Variants in ZC3H13 observed in about 807,000 individuals in gnomAD.
ZC3H13 encodes zinc finger CCCH-type containing 13, also known as zinc finger CCCH domain-containing protein 13.
ZC3H13 carries 64 observed loss-of-function variants against 204.1 expected under a neutral mutation model. That is an observed-to-expected ratio of 0.31 (90% CI 0.26 to 0.39). ZC3H13 has a LOEUF of 0.39. Among genes scored for constraint, ZC3H13 ranks in the 10% least tolerant of loss-of-function variants. The pLI is 1.00. For missense variants in ZC3H13, 1,833 were observed against 2,082.7 expected, an observed-to-expected ratio of 0.88 and a Z score of 2.33; for synonymous variants, 667 against 693.7, an observed-to-expected ratio of 0.96 and a Z score of 0.60.
chr13:46,016,266 AAT>A (rs1269559343), intron 5 of ZC3H13, among the ~76,000 whole-genome samples: 1 of 152,150 alleles, frequency 6.6e-6, no homozygotes, highest in Non-Finnish European at 1.5e-5. Context: ...TTTACCAAAA[AAT>A]ATGTTTAAGA....
At chr13:45,997,890 C>T (rs963487517) in intron 8 of ZC3H13, among the ~76,000 whole-genome samples, 1 of 152,082 alleles carries the variant, frequency 6.6e-6, no homozygotes, top group Non-Finnish European at 1.5e-5. Flanking sequence ...CAAACACACA[C>T]ATACACACAC....
chr13:45,968,858 T>G lies in ZC3H13; in HGVS notation c.3686A>C (p.His1229Pro). The change falls in exon 14 of 19, where the codon CAC becomes CCC. Residue 1229 changes from histidine (H) to proline (P), a missense_variant. By Grantham distance (77) the His-to-Pro change is moderately conservative. Coordinates refer to ENST00000679008, the MANE Select transcript of ZC3H13 (RefSeq NM_001330564.2). ...TTTTTCTCTATCTCTTGAGCCACTG[T>G]GCAGTACTCTCTTTCGACCACTTTG... is the stretch of plus-strand genomic sequence containing the variant. ...DDQSGRKRVL[H>P]SGSRDREKTK... 6.2e-7 allele frequency: 1 copy of G among 1,614,184 alleles called. No homozygotes were observed.
At chr13:45,965,496 C>T in intron 15 of ZC3H13, 64 bp from the exon 16 acceptor site, 4 of 1,560,574 alleles carry the variant, frequency 2.6e-6, no homozygotes, top group South Asian at 1.2e-5. Flanking sequence ...CTAAGTCAAA[C>T]CAAAAGGTAG....
intron 5 of ZC3H13, among the ~76,000 whole-genome samples, chr13:46,016,576 G>A (rs932999789): frequency 6.6e-6 from 1 of 152,140 alleles, no homozygotes; most frequent in Non-Finnish European, 1.5e-5. Context: ...TTTGAGGGGT[G>A]AGGGTAGGGA....
chr13:45,963,996 C>T lies in ZC3H13; in HGVS notation c.4521G>A (p.Lys1507=), dbSNP rs372247241. The change falls in exon 17 of 19, where the codon AAG becomes AAA. Residue 1507 remains lysine, a synonymous_variant. Transcript: ENST00000679008. The part of the protein sequence containing the change: ...IDVDWSGLMP[K]HPKEPREPGA... ...CAGGCTCTCGTGGTTCTTTTGGATG[C>T]TTTGGCATAAGACCAGACCAATCCA... The T allele has an allele frequency of 4.6e-5, 74 of 1,614,014 alleles. No individual in the cohort carries two copies. The African/African-American group carries it at 7.7e-4, about 17-fold the overall frequency.
intron 9 of ZC3H13, among the ~76,000 whole-genome samples, chr13:45,985,969 C>T (rs1954153590): frequency 6.6e-6 from 1 of 152,102 alleles, no homozygotes; most frequent in African/African-American, 2.4e-5. Flanking sequence ...ATTTCCTCTG[C>T]CCCAACTTAC....
intron 5 of ZC3H13, among the ~76,000 whole-genome samples, chr13:46,018,225 T>C (rs925946095): frequency 6.6e-6 from 1 of 152,148 alleles, no homozygotes; most frequent in Non-Finnish European, 1.5e-5. Context: ...TACATCTCCA[T>C]TTATTCTGCA....
chr13:45,964,201 A>T (rs1273425337), intron 16 of ZC3H13, among the ~76,000 whole-genome samples, 159 bp from the exon 17 acceptor site: 2 of 152,206 alleles, frequency 1.3e-5, no homozygotes, highest in Non-Finnish European at 2.9e-5. Context: ...CCCATATAAT[A>T]CTCAGAATCT....
intron 17 of ZC3H13, chr13:45,962,516 C>G: frequency 2.0e-6 from 2 of 983,602 alleles, no homozygotes; most frequent in Non-Finnish European, 2.4e-6. Context: ...GTCACAGAAC[C>G]AACCAAACAA....
rs776267258 is a variant in ZC3H13 at position 45,996,562 on chromosome 13, G to A, written c.944+6577C>T. 2.4e-4 allele frequency among the ~76,000 whole-genome samples: 37 copies of A among 152,040 alleles called. 1 individual carries two copies. The highest frequency in any genetic ancestry group is 1.2e-3 in the Admixed American group (19 of 15,264). ...AAGTGGCACAGTGAAATCTTTTGTC[G>A]TTCCACTCTACCGCAACCACTATAC... On this transcript the variant is annotated intron_variant, in intron 8 of 18. Coordinates refer to ENST00000679008, the MANE Select transcript of ZC3H13 (RefSeq NM_001330564.2).
intron 4 of ZC3H13, among the ~76,000 whole-genome samples, chr13:46,022,613 T>C (rs2042286484): frequency 6.6e-6 from 1 of 152,000 alleles, no homozygotes; most frequent in African/African-American, 2.4e-5. Flanking sequence ...CTGATTACTA[T>C]GTGTTGTAAA....
chr13:46,011,527 T>C lies in ZC3H13; in HGVS notation c.476A>G (p.Asp159Gly). The C allele has an allele frequency of 1.9e-6, 3 of 1,590,342 alleles. No individual in the cohort carries two copies. Among genetic ancestry groups the C allele is most frequent in the Non-Finnish European group, 2.6e-6 (3 of 1,168,368 alleles). The change falls in exon 6 of 19, where the codon GAT becomes GGT. Residue 159 changes from aspartate (D) to glycine (G), a missense_variant. Asp to Gly is a moderately conservative substitution (Grantham distance 94). Transcript: ENST00000679008. ...TTCCAATGACAATTCATGAACATAA[T>C]CATAATTAATATCTCCATTGTCAGA... ...DDSDNGDINY[D>G]YVHELSLEMK...
At chr13:46,013,224 G>A (rs2041687619) in intron 5 of ZC3H13, among the ~76,000 whole-genome samples, 1 of 152,064 alleles carries the variant, frequency 6.6e-6, no homozygotes, top group Non-Finnish European at 1.5e-5. Context: ...GACCATCCTG[G>A]CCAACACGGT....
chr13:45,965,720 C>A (rs1370290895), intron 15 of ZC3H13, among the ~76,000 whole-genome samples: 1 of 152,088 alleles, frequency 6.6e-6, no homozygotes, highest in Non-Finnish European at 1.5e-5. Flanking sequence ...CTACTACTAA[C>A]ATACTAATGT....
At chr13:46,012,571 T>A (rs1054631004) in intron 5 of ZC3H13, among the ~76,000 whole-genome samples, 1 of 152,176 alleles carries the variant, frequency 6.6e-6, no homozygotes, top group Non-Finnish European at 1.5e-5. Flanking sequence ...CAACTATCCA[T>A]TCATGCTTGG....
At chr13:46,050,121 A>G (rs966637277) in intron 1 of ZC3H13, among the ~76,000 whole-genome samples, 1 of 152,156 alleles carries the variant, frequency 6.6e-6, no homozygotes, top group African/African-American at 2.4e-5. Flanking sequence ...TTCAATTAAA[A>G]AAGAAAATGG....
intron 17 of ZC3H13, among the ~76,000 whole-genome samples, chr13:45,959,945 C>A (rs7989351): frequency 0.75 from 113,544 of 151,502 alleles, 43,025 homozygotes; most frequent in African/African-American, 0.85. Context: ...TAATTTTAAA[C>A]AATTTATTTA....
chr13:46,040,308 A>C (rs911043181), intron 4 of ZC3H13, among the ~76,000 whole-genome samples: 13 of 152,204 alleles, frequency 8.5e-5, no homozygotes, highest in African/African-American at 2.9e-4. Flanking sequence ...TTAAGTGATC[A>C]AGGAAGTTGT....
rs867877690 is a variant in ZC3H13 at position 46,005,822 on chromosome 13, C to T, written c.747-2486G>A. Among the ~76,000 whole-genome samples the T allele has an allele frequency of 2.6e-5, 4 of 151,974 alleles. No individual in the cohort carries two copies. In the South Asian group the frequency reaches 6.2e-4, roughly 24 times the overall value. ...AAATATTGTTGTTCAGGCTGGGCGA[C>T]GTGGCTCATACCTGTAATCCCAGCA... On this transcript the variant is annotated intron_variant, in intron 7 of 18. Transcript: ENST00000679008.
Sources: gnomAD v4.1 joint callset for allele counts (sites outside exome capture counted in the v4.1 genomes callset) on GRCh38, gnomAD v4.1.1 for gene constraint, MANE v1.5 for transcripts, NCBI Gene and HGNC (gene_info 2026-07-23, HGNC 2026-07-21) for gene names.